ARHGAP17: variants seen among roughly 807,000 people sequenced by gnomAD.
The protein encoded by ARHGAP17 is Rho GTPase activating protein 17.
ARHGAP17 carries 57 observed loss-of-function variants against 99.5 expected under a neutral mutation model. That is an observed-to-expected ratio of 0.57 (90% CI 0.46 to 0.71). The LOEUF is 0.71. ARHGAP17 is among the 30% of genes least tolerant of loss of function. The pLI is 0.00. For missense variants in ARHGAP17, 1,000 were observed against 1,122.4 expected (o/e 0.89, Z 1.56); for synonymous variants, 417 against 429.6 (o/e 0.97, Z 0.36).
intron 3 of ARHGAP17, among the ~76,000 whole-genome samples, chr16:24,975,399 G>T (rs1274219763): frequency 6.6e-6 from 1 of 152,152 alleles, no homozygotes. Context: ...AATAAGAGAA[G>T]CAGAGAACTT....
chr16:24,987,971 C>T (rs2052924986), intron 1 of ARHGAP17, among the ~76,000 whole-genome samples: 1 of 152,162 alleles, frequency 6.6e-6, no homozygotes, highest in African/African-American at 2.4e-5. Flanking sequence ...TTTGTATTCA[C>T]AGTGAAATTA....
At chr16:25,003,338 G>A (rs760295542) in intron 1 of ARHGAP17, among the ~76,000 whole-genome samples, 2 of 146,754 alleles carry the variant, frequency 1.4e-5, no homozygotes, top group Non-Finnish European at 3.0e-5. Flanking sequence ...AGGTTCAAGC[G>A]ATTCTCGTGC....
Position 25,015,277 on chromosome 16 carries a change from GGCGGCCC to G in ARHGAP17, c.-23_-17del, listed in dbSNP as rs1277101709. 1 of 1,333,386 alleles carries G rather than the reference GGCGGCCC, an allele frequency of 7.5e-7. No homozygotes were observed. The highest frequency in any genetic ancestry group is 3.2e-5 in the East Asian group (1 of 31,222). 82.6% of individuals were successfully genotyped at this position (1,333,386 alleles called of 1,614,324 possible). On this transcript the variant is annotated 5_prime_UTR_variant, in exon 1 of 20. Coordinates refer to ENST00000289968, the MANE Select transcript of ARHGAP17 (RefSeq NM_001006634.3). Reference sequence around the variant, plus strand: ...GCTTCTTCATGGCGGCGGTGGCGGCGGCGGCCCGCGGGGCTCGGGCCGGGCAGGGCGG... The same window carrying G: ...GCTTCTTCATGGCGGCGGTGGCGGCGGCGGGGCTCGGGCCGGGCAGGGCGG...
At chr16:24,956,948 G>A (rs1567229478) in intron 9 of ARHGAP17, 1 of 152,238 alleles carries the variant, frequency 6.6e-6, no homozygotes, top group Non-Finnish European at 1.5e-5. Flanking sequence ...GACGGACAGA[G>A]ATTAAACAGG....
intron 15 of ARHGAP17, among the ~76,000 whole-genome samples, chr16:24,942,585 C>A (rs562435949): frequency 1.8e-4 from 28 of 151,800 alleles, no homozygotes; most frequent in South Asian, 4.2e-4. Flanking sequence ...TGGCCAAGAA[C>A]GTGAAACCCC....
At chr16:24,941,337 C>T (rs1426374056) in intron 16 of ARHGAP17, among the ~76,000 whole-genome samples, 1 of 152,180 alleles carries the variant, frequency 6.6e-6, no homozygotes, top group East Asian at 1.9e-4. Flanking sequence ...TTTCATCACA[C>T]ACATGGGACA....
At chr16:24,958,029 G>A (rs1414428127) in intron 9 of ARHGAP17, among the ~76,000 whole-genome samples, 1 of 152,088 alleles carries the variant, frequency 6.6e-6, no homozygotes, top group Non-Finnish European at 1.5e-5. Flanking sequence ...AGGTGGGAGG[G>A]GTTGAATTGC....
chr16:24,938,849 A>G (rs1480364308), intron 17 of ARHGAP17, among the ~76,000 whole-genome samples: 1 of 152,048 alleles, frequency 6.6e-6, no homozygotes, highest in African/African-American at 2.4e-5. Context: ...CAACTGCCCT[A>G]CAAGACTGAA....
chr16:24,993,257 G>A (rs1022057109), intron 1 of ARHGAP17, among the ~76,000 whole-genome samples: 5 of 152,136 alleles, frequency 3.3e-5, no homozygotes, highest in African/African-American at 1.2e-4. Flanking sequence ...CATTATAATA[G>A]GTTGGTGCAA....
intron 3 of ARHGAP17, among the ~76,000 whole-genome samples, chr16:24,973,565 C>T (rs1051716438): frequency 2.6e-5 from 4 of 152,206 alleles, no homozygotes; most frequent in Non-Finnish European, 5.9e-5. Context: ...GCCCCAGCTG[C>T]CTGGAATATT....
At chr16:24,996,628 T>A (rs2053200032) in intron 1 of ARHGAP17, among the ~76,000 whole-genome samples, 1 of 152,122 alleles carries the variant, frequency 6.6e-6, no homozygotes. Context: ...GTGAAGTGGC[T>A]AAGAGCAAAT....
chr16:24,922,127 G>A (rs547990401), intron 19 of ARHGAP17, among the ~76,000 whole-genome samples: 5 of 152,292 alleles, frequency 3.3e-5, no homozygotes, highest in South Asian at 2.1e-4. Context: ...ACTTGAAGAC[G>A]ACGTATAAGA....
At chr16:25,014,833 G>A (rs1388829137) in intron 1 of ARHGAP17, among the ~76,000 whole-genome samples, 1 of 152,220 alleles carries the variant, frequency 6.6e-6, no homozygotes, top group African/African-American at 2.4e-5. Flanking sequence ...AGAAGTCACC[G>A]TTGTTGAGCC....
At chr16:24,977,187 G>A in intron 3 of ARHGAP17, 28 bp downstream of exon 3, 1 of 1,523,146 alleles carries the variant, frequency 6.6e-7, no homozygotes, top group Non-Finnish European at 8.9e-7. Context: ...CGCAGGAACT[G>A]TGGGTCTGAG....
intron 19 of ARHGAP17, among the ~76,000 whole-genome samples, chr16:24,924,844 C>T (rs983805872): frequency 2.0e-5 from 3 of 150,680 alleles, no homozygotes; most frequent in Non-Finnish European, 2.9e-5. Context: ...TTCTGAGCAA[C>T]GGGGTAAGAC....
Position 25,002,373 on chromosome 16 carries a change from C to T in ARHGAP17, c.53+12836G>A, listed in dbSNP as rs138366810. On this transcript the variant is annotated intron_variant, in intron 1 of 19. Transcript: ENST00000289968. The stretch of plus-strand genomic sequence containing the variant: ...CCCAAGGCTGCTGTCTTAGCCCTGC[C>T]GTCATCACCTCTCTGAGCCTACTGC... Among the ~76,000 whole-genome samples the T allele has an allele frequency of 3.9e-5, 6 of 152,244 alleles. No individual in the cohort carries two copies. The East Asian group carries it at 5.8e-4, about 15-fold the overall frequency.
At position 24,998,732 on chromosome 16, in the gene ARHGAP17, C is replaced by T. The variant is rs1382046873; in HGVS notation, c.53+16477G>A. 2.0e-5 allele frequency among the ~76,000 whole-genome samples: 3 copies of T among 152,180 alleles called. No homozygotes were observed. The East Asian group carries it at 5.8e-4, about 29-fold the overall frequency. On this transcript the variant is annotated intron_variant, in intron 1 of 19. Coordinates refer to ENST00000289968, the MANE Select transcript of ARHGAP17 (RefSeq NM_001006634.3). Reference sequence around the variant, plus strand: ...TGCAGGGTCTTTCTGGGCCACGCCCCGAATCCCAGGTATGGAAGTGAAGGA... The same window carrying T: ...TGCAGGGTCTTTCTGGGCCACGCCCTGAATCCCAGGTATGGAAGTGAAGGA...
At chr16:24,939,325 C>T (rs775587518) in intron 17 of ARHGAP17, 39 bp downstream of exon 17, 30 of 1,523,584 alleles carry the variant, frequency 2.0e-5, no homozygotes, top group Middle Eastern at 2.4e-4. Context: ...AAGGCTGGGG[C>T]GTCCAGCCTC....
intron 1 of ARHGAP17, among the ~76,000 whole-genome samples, chr16:24,987,609 C>A (rs1022936031): frequency 6.6e-6 from 1 of 152,118 alleles, no homozygotes; most frequent in Non-Finnish European, 1.5e-5. Flanking sequence ...TTTCTACCAC[C>A]AAGAGCACCC....
Sources: gnomAD v4.1 joint callset for allele counts (sites outside exome capture counted in the v4.1 genomes callset) on GRCh38, gnomAD v4.1.1 for gene constraint, MANE v1.5 for transcripts, NCBI Gene and HGNC (gene_info 2026-07-23, HGNC 2026-07-21) for gene names.